TBCD: variants seen among roughly 807,000 people sequenced by gnomAD.
TBCD encodes the protein tubulin folding cofactor D, also known as tubulin-specific chaperone D.
Under a neutral mutation model 169.3 loss-of-function variants are expected in TBCD, and 105 were observed. The ratio of observed to expected loss-of-function variants is 0.62; its 90% CI spans 0.53 to 0.73. TBCD has a LOEUF of 0.73. TBCD is among the 30% of genes least tolerant of loss of function. The pLI, the probability that TBCD is intolerant of heterozygous loss-of-function variation, is 0.00. For missense variants in TBCD, 1,444 were observed against 1,600.1 expected (o/e 0.90, Z 1.66); for synonymous variants, 700 against 643.9 (o/e 1.09, Z -1.32).
At chr17:82,849,790 C>G (rs185332039) in intron 13 of TBCD, among the ~76,000 whole-genome samples, 18 of 152,374 alleles carry the variant, frequency 1.2e-4, no homozygotes, top group Non-Finnish European at 2.2e-4. Flanking sequence ...CTGCTGGAAC[C>G]CCCTTCCCTG....
At chr17:82,819,452 T>C (rs1311972103) in intron 13 of TBCD, among the ~76,000 whole-genome samples, 1 of 152,254 alleles carries the variant, frequency 6.6e-6, no homozygotes, top group Non-Finnish European at 1.5e-5. Flanking sequence ...TCTCTGACTC[T>C]GTGCACACCA....
intron 16 of TBCD, among the ~76,000 whole-genome samples, chr17:82,891,694 G>A (rs1232547973): frequency 2.6e-5 from 4 of 151,930 alleles, no homozygotes; most frequent in African/African-American, 9.7e-5. Context: ...TAAGAAATGC[G>A]TTACAGTGGA....
At chr17:82,897,449 C>T (rs961486389) in intron 17 of TBCD, among the ~76,000 whole-genome samples, 34 of 145,892 alleles carry the variant, frequency 2.3e-4, no homozygotes, top group African/African-American at 8.7e-4. Flanking sequence ...TCCCGGGAGG[C>T]GGAGGTTACA....
At position 82,752,223 on chromosome 17, in the gene TBCD, C is replaced by T. The variant is rs11550067; in HGVS notation, c.30C>T (p.Gly10=). 30,745 of 1,524,226 alleles carry T rather than the reference C, an allele frequency of 0.02. 377 individuals carry two copies. Among genetic ancestry groups the T allele is most frequent in the East Asian group, 0.043 (1,597 of 37,538 alleles). The allele number at this position is 1,524,226 out of a possible 1,614,324, so 94.4% of individuals were successfully genotyped here. A position where few individuals can be genotyped will look rare whatever the true frequency, so the allele number is the denominator to read the frequency against. The change falls in exon 1 of 39, where the codon GGC becomes GGT. Residue 10 remains glycine, a synonymous_variant. Transcript: ENST00000355528. MALSDEPAA[G]GPEEEAEDET... The stretch of plus-strand genomic sequence containing the variant: ...CCCTGAGCGACGAACCGGCCGCGGG[C>T]GGCCCCGAGGAGGAGGCGGAGGACG...
chr17:82,818,794 C>T (rs905198851), intron 13 of TBCD, among the ~76,000 whole-genome samples: 4 of 152,086 alleles, frequency 2.6e-5, no homozygotes, highest in South Asian at 2.1e-4. Context: ...AGGCTGGGCA[C>T]GGCGGCTCAT....
rs1306136552 is a variant in TBCD at position 82,932,696 on chromosome 17, T to C, written c.3152T>C (p.Leu1051Pro). ...VPLLKTLDHV[L>P]THGCFDIFTT... Reference sequence around the variant, plus strand: ...CTGCTGAAGACGCTGGACCACGTGCTCACCCACGGCTGCTTCGACATCTTC... The same window carrying C: ...CTGCTGAAGACGCTGGACCACGTGCCCACCCACGGCTGCTTCGACATCTTC... Residue 1051 changes from leucine to proline, a missense_variant, in exon 34 of 39, where the codon CTC becomes CCC. Physicochemically the swap from Leu to Pro is moderately conservative, Grantham distance 98. Transcript: ENST00000355528. 1 of 1,613,850 alleles carries C rather than the reference T, an allele frequency of 6.2e-7. No homozygotes were observed. Among genetic ancestry groups the C allele is most frequent in the South Asian group, 1.1e-5 (1 of 91,034 alleles).
intron 13 of TBCD, among the ~76,000 whole-genome samples, chr17:82,868,507 AC>A (rs1403258356): frequency 7.2e-5 from 11 of 152,140 alleles, no homozygotes; most frequent in African/African-American, 2.7e-4. Flanking sequence ...GTATCTTTGA[AC>A]TTTCTATTTT....
At chr17:82,872,709 A>C (rs1423928807) in intron 14 of TBCD, among the ~76,000 whole-genome samples, 1 of 152,246 alleles carries the variant, frequency 6.6e-6, no homozygotes, top group Non-Finnish European at 1.5e-5. Context: ...TTACGTTGAT[A>C]TCTCATTCAG....
At chr17:82,802,017 G>T (rs115940971) in intron 9 of TBCD, among the ~76,000 whole-genome samples, 245 of 151,784 alleles carry the variant, frequency 1.6e-3, no homozygotes, top group African/African-American at 5.6e-3. Flanking sequence ...GCGTGTGTGC[G>T]TCGTGTTGCT....
At chr17:82,909,213 T>C in intron 21 of TBCD, 72 bp from the exon 22 acceptor site, 1 of 1,228,010 alleles carries the variant, frequency 8.1e-7, no homozygotes, top group Non-Finnish European at 1.1e-6. Context: ...TTCTTGTTTT[T>C]GACAGTTGTT....
At chr17:82,941,736 C>T (rs2063298603) in intron 38 of TBCD, 2 of 519,746 alleles carry the variant, frequency 3.8e-6, no homozygotes, top group Non-Finnish European at 3.4e-6. Context: ...GTGGAGCTGG[C>T]ACCAGCTTGA....
At chr17:82,815,383 T>C (rs1462515907) in intron 13 of TBCD, among the ~76,000 whole-genome samples, 2 of 152,234 alleles carry the variant, frequency 1.3e-5, no homozygotes, top group Non-Finnish European at 2.9e-5. Flanking sequence ...CAGGTACCCC[T>C]GGCAGCATCC....
At chr17:82,813,552 C>T (rs373044931) in intron 12 of TBCD, among the ~76,000 whole-genome samples, 54 of 152,264 alleles carry the variant, frequency 3.5e-4, no homozygotes, top group African/African-American at 8.7e-4. Flanking sequence ...CCCTTGCCAC[C>T]GTGCCACAGT....
chr17:82,927,131 T>A, intron 28 of TBCD, 55 bp from the exon 29 acceptor site: 1 of 1,608,818 alleles, frequency 6.2e-7, no homozygotes, highest in South Asian at 1.1e-5. Flanking sequence ...CTCTGCGATG[T>A]GGAAGATGAG....
intron 19 of TBCD, among the ~76,000 whole-genome samples, chr17:82,904,899 CACGG>C (rs1276123953): frequency 6.6e-6 from 1 of 152,200 alleles, no homozygotes; most frequent in Non-Finnish European, 1.5e-5. Flanking sequence ...GGTTGAAGAG[CACGG>C]ACACCCAGAA....
rs1434547115 is a variant in TBCD, at chr17:82,789,755, T to C, written c.772-8002T>C. Among the ~76,000 whole-genome samples the C allele has an allele frequency of 6.6e-6, 1 of 152,230 alleles. No homozygotes were observed. Among genetic ancestry groups the C allele is most frequent in the Non-Finnish European group, 1.5e-5 (1 of 68,042 alleles). On this transcript the variant is annotated intron_variant, in intron 7 of 38. Transcript: ENST00000355528. The surrounding 1 kb of genome is among the most constrained non-coding windows in gnomAD (Gnocchi z 4.8). ...TCACCCTTGACCTTTATTACCTGAT[T>C]TCTGTCCTTGGTTCTCGAGCCCTCC...
chr17:82,931,502 C>T (rs777829463), intron 33 of TBCD, among the ~76,000 whole-genome samples: 4 of 152,142 alleles, frequency 2.6e-5, no homozygotes, highest in Admixed American at 6.5e-5. Context: ...TCCTCCGTGC[C>T]GGTCGCTCAT....
intron 11 of TBCD, among the ~76,000 whole-genome samples, chr17:82,809,493 C>T (rs142832461): frequency 8.5e-5 from 13 of 152,306 alleles, no homozygotes; most frequent in Non-Finnish European, 1.8e-4. Context: ...CGCGTGTGCT[C>T]ACTCGTCCCC....
At position 82,929,234 on chromosome 17, in the gene TBCD, G is replaced by A. The variant is rs368003256; in HGVS notation, c.2815G>A (p.Val939Met). 1.8e-5 allele frequency: 29 copies of A among 1,613,808 alleles called. No individual in the cohort carries two copies. The highest frequency in any genetic ancestry group is 8.3e-5 in the Admixed American group (5 of 60,002). The change falls in exon 31 of 39, where the codon GTG (valine) becomes ATG (methionine). Residue 939 changes from valine to methionine, a missense_variant. By Grantham distance (21) the Val-to-Met change is conservative. Transcript: ENST00000355528. ...LHFDSPPIPHVPHRGELEKLF... is the reference protein window; with the variant it reads ...LHFDSPPIPHMPHRGELEKLF... Reference sequence around the variant, plus strand: ...CTTTGACAGCCCTCCCATCCCCCACGTGCCCCACCGAGGAGAACTGGAAAA... The same window carrying A: ...CTTTGACAGCCCTCCCATCCCCCACATGCCCCACCGAGGAGAACTGGAAAA...
Sources: allele counts gnomAD v4.1 joint callset (sites outside exome capture counted in the v4.1 genomes callset), GRCh38; gene constraint gnomAD v4.1.1; non-coding constraint Gnocchi (gnomAD v3.1); transcripts MANE v1.5; gene names NCBI Gene and HGNC (gene_info 2026-07-23, HGNC 2026-07-21).